The following MYH13 variants were observed in gnomAD, a reference collection of about 807,000 sequenced individuals.
The protein encoded by MYH13 is myosin-13.
Under a neutral mutation model 232.1 loss-of-function variants are expected in MYH13, and 177 were observed. The ratio of observed to expected loss-of-function variants is 0.76; its 90% CI spans 0.67 to 0.86. The LOEUF (loss-of-function observed/expected upper bound fraction) is 0.86. Ranked by LOEUF, MYH13 falls within the 40% of genes least tolerant of loss-of-function variation. The probability of loss-of-function intolerance (pLI) is 0.00; values close to 1 mark genes in which losing one functional copy is unlikely to be tolerated. For missense variants in MYH13, 2,246 were observed against 2,405.9 expected (o/e 0.93, Z 1.39); for synonymous variants, 884 against 923.5 (o/e 0.96, Z 0.78).
intron 24 of MYH13, among the ~76,000 whole-genome samples, chr17:10,321,200 G>A (rs1264808034): frequency 1.3e-5 from 2 of 152,206 alleles, no homozygotes; most frequent in Admixed American, 1.3e-4. Flanking sequence ...GGACCTACAA[G>A]TGGATGCTAA....
At chr17:10,335,237 A>G (rs2071564098) in intron 18 of MYH13, among the ~76,000 whole-genome samples, 1 of 152,228 alleles carries the variant, frequency 6.6e-6, no homozygotes, top group Non-Finnish European at 1.5e-5. Flanking sequence ...AAAATATTGT[A>G]TAAAATTACC....
chr17:10,364,449 G>A lies in MYH13; in HGVS notation c.82C>T (p.Gln28Ter). ...TTCTTGGAATCGAATGGACGATTTT[G>A]AGCCTCGATTCTCTCCTTCTCTGGT... ...RKPEKERIEA[Q>*]NRPFDSKKAC... is the part of the protein sequence containing the mutation. The change falls in exon 3 of 41, where the codon CAA becomes TAA. Residue 28 changes from glutamine to a stop codon, truncating the protein, a stop_gained. Transcript: ENST00000252172. LOFTEE classifies it high-confidence loss of function. 1 of 1,613,022 alleles carries A rather than the reference G, an allele frequency of 6.2e-7. No homozygotes were observed. Among genetic ancestry groups the A allele is most frequent in the Non-Finnish European group, 8.5e-7 (1 of 1,179,518 alleles).
chr17:10,358,450 T>G lies in MYH13; in HGVS notation c.646-623A>C, dbSNP rs1442791774. Among the ~76,000 whole-genome samples, 3 of 152,158 alleles carry G rather than the reference T, an allele frequency of 2.0e-5. No individual in the cohort carries two copies. The East Asian group carries it at 5.8e-4, about 29-fold the overall frequency. On this transcript the variant is annotated intron_variant, in intron 7 of 40. Transcript: ENST00000252172. ...AAGTGTGGTCCCTGGACCAGCAGCA[T>G]GAACACTACCTGGGAATATATGAGA...
rs1186916902 is a variant in MYH13, at chr17:10,319,069, C to T, written c.3459G>A (p.Arg1153=). ...AAGTGGCCCCACTGGCTTCTTCCAG[C>T]CTCTCGCTGATCTCCTCCAGTTCCC... ...LARELEEISE[R]LEEASGATSA... Residue 1153 remains arginine (R), a synonymous_variant, in exon 27 of 41, where the codon AGG becomes AGA. Coordinates refer to ENST00000252172, the MANE Select transcript of MYH13 (RefSeq NM_003802.3). The T allele has an allele frequency of 1.6e-5, 26 of 1,614,086 alleles. No homozygotes were observed. The highest frequency in any genetic ancestry group is 2.2e-5 in the East Asian group (1 of 44,894).
Position 10,311,858 on chromosome 17 carries a change from G to A in MYH13, c.4531+53C>T, listed in dbSNP as rs888098872. ...ATGGCTGTGGCCAAATGGGGAAGGGGTTGGCAGGAGGAGAGGGGGACATAG... is the reference window on the plus strand; with the variant it reads ...ATGGCTGTGGCCAAATGGGGAAGGGATTGGCAGGAGGAGAGGGGGACATAG... On this transcript the variant is annotated intron_variant, in intron 32 of 40. Coordinates refer to ENST00000252172, the MANE Select transcript of MYH13 (RefSeq NM_003802.3). 9 of 1,602,540 alleles carry A rather than the reference G, an allele frequency of 5.6e-6. No homozygotes were observed. The East Asian group carries it at 1.8e-4, about 32-fold the overall frequency.
chr17:10,311,843 C>T, intron 32 of MYH13, 68 bp downstream of exon 32: 2 of 1,579,234 alleles, frequency 1.3e-6, no homozygotes, highest in Non-Finnish European at 8.6e-7. Flanking sequence ...ATGGCTGTGG[C>T]CAAATGGGGA....
Position 10,307,073 on chromosome 17 carries a change from A to C in MYH13, c.5170-9T>G. The stretch of plus-strand genomic sequence containing the variant: ...TTTATCAGGCTTGTGTTCTACAAGA[A>C]GAATTAGATATCAGGGGTGTGGGTT... On this transcript the variant is annotated splice_polypyrimidine_tract_variant and intron_variant, in intron 35 of 40. Coordinates refer to ENST00000252172, the MANE Select transcript of MYH13 (RefSeq NM_003802.3). 1 of 1,613,634 alleles carries C rather than the reference A, an allele frequency of 6.2e-7. No individual in the cohort carries two copies. The highest frequency in any genetic ancestry group is 8.5e-7 in the Non-Finnish European group (1 of 1,179,794).
chr17:10,367,439 C>G (rs11651182), intron 2 of MYH13, among the ~76,000 whole-genome samples: 23,599 of 152,126 alleles, frequency 0.16, 2,401 homozygotes, highest in Non-Finnish European at 0.23. Flanking sequence ...ACCTCCACCT[C>G]CCGGGTTCAA....
chr17:10,303,192 T>C lies in MYH13; in HGVS notation c.5667+4A>G. ...GGGCACTGCCGGGGACCTCCTGTGC[T>C]TACCGCCTCCTCAGCCTGCCTCTTG... On this transcript the variant is annotated splice_donor_region_variant and intron_variant, in intron 39 of 40. Coordinates refer to ENST00000252172, the MANE Select transcript of MYH13 (RefSeq NM_003802.3). 6.2e-7 allele frequency: 1 copy of C among 1,612,452 alleles called. No individual in the cohort carries two copies. Among genetic ancestry groups the C allele is most frequent in the Non-Finnish European group, 8.5e-7 (1 of 1,179,882 alleles).
chr17:10,368,818 C>T (rs528514351), intron 2 of MYH13, among the ~76,000 whole-genome samples: 31 of 152,266 alleles, frequency 2.0e-4, no homozygotes, highest in Non-Finnish European at 3.4e-4. Flanking sequence ...AGGTTTACGA[C>T]CTTATAATAT....
intron 24 of MYH13, among the ~76,000 whole-genome samples, chr17:10,320,815 T>C (rs1280011092): frequency 6.6e-6 from 1 of 152,166 alleles, no homozygotes; most frequent in Non-Finnish European, 1.5e-5. Context: ...GCACAGACAA[T>C]ACAAATGGGG....
chr17:10,330,415 C>A lies in MYH13; in HGVS notation c.2407G>T (p.Val803Leu), dbSNP rs1186591671. The change falls in exon 21 of 41, where the codon GTG becomes TTG. Residue 803 changes from valine to leucine, a missense_variant. Val to Leu is a conservative substitution (Grantham distance 32). Transcript: ENST00000252172. ...QAVCRGYLMR[V>L]EFKKMMERRD... is the part of the protein sequence containing the mutation. ...CTCTCCATCATCTTCTTGAACTCCA[C>A]CCGCATCAGGTACCCCCTGCACACC... 6.2e-7 allele frequency: 1 copy of A among 1,613,594 alleles called. No homozygotes were observed. Among genetic ancestry groups the A allele is most frequent in the Non-Finnish European group, 8.5e-7 (1 of 1,179,776 alleles).
chr17:10,311,829 G>A (rs1363516742), intron 32 of MYH13, 82 bp downstream of exon 32: 2 of 1,511,508 alleles, frequency 1.3e-6, no homozygotes, highest in African/African-American at 2.7e-5. Flanking sequence ...GGAGGTGTCT[G>A]GAGATGGCTG....
At chr17:10,370,346 C>T (rs1337661639) in intron 2 of MYH13, among the ~76,000 whole-genome samples, 1 of 152,228 alleles carries the variant, frequency 6.6e-6, no homozygotes, top group Non-Finnish European at 1.5e-5. Context: ...GACTGATAAA[C>T]TTCACCTTGT....
intron 32 of MYH13, 55 bp from the exon 33 acceptor site, chr17:10,311,282 A>T (rs1193367678): frequency 6.2e-7 from 1 of 1,604,712 alleles, no homozygotes; most frequent in Non-Finnish European, 8.5e-7. Context: ...TTTATAGTAT[A>T]GGCATTTGCC....
In MYH13 at chr17:10,362,235, T is replaced by G. The variant is rs2071799567; in HGVS notation, c.388A>C (p.Lys130Gln). The change falls in exon 5 of 41, where the codon AAG becomes CAG. Residue 130 changes from lysine (K) to glutamine (Q), a missense_variant. Coordinates refer to ENST00000252172, the MANE Select transcript of MYH13 (RefSeq NM_003802.3). ...TCGGGCTTGTACACCGGCAGCCACT[T>G]GTAGGGGTTGACGGTGACACAGAAG... ...GLFCVTVNPYKWLPVYKPEVV... is the reference protein window; with the variant it reads ...GLFCVTVNPYQWLPVYKPEVV... 1.4e-5 allele frequency: 22 copies of G among 1,613,660 alleles called. No individual in the cohort carries two copies. Among genetic ancestry groups the G allele is most frequent in the Non-Finnish European group, 1.7e-5 (20 of 1,179,706 alleles).
chr17:10,343,319 G>T (rs71369641), intron 16 of MYH13, among the ~76,000 whole-genome samples: 23,961 of 151,974 alleles, frequency 0.16, 2,504 homozygotes, highest in Middle Eastern at 0.24. Context: ...GGCCTCAGCT[G>T]CCTGAGTATC....
At chr17:10,363,161 C>T (rs998078740) in intron 3 of MYH13, among the ~76,000 whole-genome samples, 15 of 151,768 alleles carry the variant, frequency 9.9e-5, no homozygotes, top group African/African-American at 3.4e-4. Context: ...GCTGGCTCTG[C>T]ACTCCATGGC....
intron 11 of MYH13, among the ~76,000 whole-genome samples, chr17:10,352,543 C>T (rs1014684661): frequency 6.6e-6 from 1 of 151,848 alleles, no homozygotes; most frequent in Admixed American, 6.6e-5. Context: ...GAGCCGAGAT[C>T]GCACCACTGC....
Sources: allele counts gnomAD v4.1 joint callset (sites outside exome capture counted in the v4.1 genomes callset), GRCh38; gene constraint gnomAD v4.1.1; transcripts MANE v1.5; gene names NCBI Gene and HGNC (gene_info 2026-07-23, HGNC 2026-07-21).